The following MICAL3 variants were observed in gnomAD, a reference collection of about 807,000 sequenced individuals.
MICAL3 encodes the protein microtubule associated monooxygenase, calponin and LIM domain containing 3.
A neutral mutation model predicts 207.4 loss-of-function variants in MICAL3; 62 were observed. The ratio of observed to expected loss-of-function variants is 0.30; its 90% CI spans 0.24 to 0.37. The LOEUF (loss-of-function observed/expected upper bound fraction) is 0.37, where lower values mean the gene tolerates loss of function less well. Ranked by LOEUF, MICAL3 falls within the 10% of genes least tolerant of loss-of-function variation. The pLI is 1.00. For synonymous variants in MICAL3, 1,077 were observed against 1,069.3 expected, an observed-to-expected ratio of 1.01 and a Z score of -0.14; for missense variants, 2,368 against 2,635.6, an observed-to-expected ratio of 0.90 and a Z score of 2.22.
intron 20 of MICAL3, chr22:17,839,908 G>A (rs1211549898): frequency 6.8e-6 from 1 of 147,358 alleles, no homozygotes; most frequent in Non-Finnish European, 1.5e-5. Context: ...GTATAGCACT[G>A]AATGCTACTT....
chr22:17,836,388 T>C (rs1923367410), intron 20 of MICAL3, among the ~76,000 whole-genome samples: 1 of 152,124 alleles, frequency 6.6e-6, no homozygotes, highest in African/African-American at 2.4e-5. Context: ...CCTAAGGAAG[T>C]TGGGTCATTT....
chr22:17,891,191 G>A (rs1323484085), intron 12 of MICAL3, among the ~76,000 whole-genome samples: 1 of 152,056 alleles, frequency 6.6e-6, no homozygotes, highest in Non-Finnish European at 1.5e-5. Flanking sequence ...ACAGGCCCAG[G>A]TGGGTGTCAA....
At chr22:17,926,548 T>C (rs937821463) in intron 1 of MICAL3, among the ~76,000 whole-genome samples, 9 of 152,250 alleles carry the variant, frequency 5.9e-5, no homozygotes, top group African/African-American at 1.2e-4. Flanking sequence ...GGCATACATA[T>C]TCTGCTCCAA....
rs1404429725 is a variant in MICAL3, at chr22:17,902,810, G to A, written c.473-63C>T. 11 of 1,024,074 alleles carry A rather than the reference G, an allele frequency of 1.1e-5. No individual in the cohort carries two copies. Among genetic ancestry groups the A allele is most frequent in the Admixed American group, 2.1e-5 (1 of 48,396 alleles). 63.4% of individuals were successfully genotyped at this position (1,024,074 alleles called of 1,614,324 possible). ...GGAGAAGGGGGTACCCATCCGTGTCGCAGCTCAGGCTCCCACCCCGCCACC... is the reference window on the plus strand; with the variant it reads ...GGAGAAGGGGGTACCCATCCGTGTCACAGCTCAGGCTCCCACCCCGCCACC... On this transcript the variant is annotated intron_variant, in intron 3 of 31. Coordinates refer to ENST00000441493, the MANE Select transcript of MICAL3 (RefSeq NM_015241.3). This position sits in a 1 kb window ranked among gnomAD's most constrained non-coding sequence, Gnocchi z 4.5.
At chr22:18,008,521 G>A (rs1403529948) in intron 1 of MICAL3, among the ~76,000 whole-genome samples, 1 of 152,168 alleles carries the variant, frequency 6.6e-6, no homozygotes, top group Admixed American at 6.6e-5. Context: ...TCATAGTCCT[G>A]TGGACCTACT....
chr22:17,834,378 C>A, intron 20 of MICAL3: 1 of 1,252,986 alleles, frequency 8.0e-7, no homozygotes, highest in Admixed American at 3.0e-5. Context: ...CCTCACAACG[C>A]ACTTGCTAGA....
chr22:17,988,549 A>G (rs1602356843), intron 1 of MICAL3, among the ~76,000 whole-genome samples: 2 of 152,186 alleles, frequency 1.3e-5, no homozygotes, highest in African/African-American at 2.4e-5. Context: ...CCACCCTCCG[A>G]GTTCAAGTGG....
chr22:18,008,167 G>C (rs1377810412), intron 1 of MICAL3, among the ~76,000 whole-genome samples: 1 of 152,082 alleles, frequency 6.6e-6, no homozygotes, highest in Non-Finnish European at 1.5e-5. Context: ...TTGAACCCAG[G>C]AGGTGGAGAT....
intron 1 of MICAL3, among the ~76,000 whole-genome samples, chr22:17,967,186 G>A (rs1008780916): frequency 6.6e-6 from 1 of 152,052 alleles, no homozygotes; most frequent in Admixed American, 6.5e-5. Context: ...GTCTATCCTG[G>A]CATAACTACT....
chr22:17,988,320 C>T (rs192433977), intron 1 of MICAL3, among the ~76,000 whole-genome samples: 8 of 152,338 alleles, frequency 5.3e-5, no homozygotes, highest in Admixed American at 2.6e-4. Context: ...ACTCCACATC[C>T]ACTGCCAACA....
At chr22:17,881,410 G>A in intron 16 of MICAL3, 1 of 897,158 alleles carries the variant, frequency 1.1e-6, no homozygotes. Context: ...ACCCCAGGGA[G>A]GCCTTTCCTT....
rs2145943534 is a variant in MICAL3 at position 17,790,650 on chromosome 22, C to T, written c.*82G>A. The T allele has an allele frequency of 7.5e-7, 1 of 1,332,280 alleles. No individual in the cohort carries two copies. Among genetic ancestry groups the T allele is most frequent in the East Asian group, 2.5e-5 (1 of 39,604 alleles). 82.5% of individuals were successfully genotyped at this position (1,332,280 alleles called of 1,614,324 possible). ...AAACTCCAAGGAGGTGCCAGGCCTC[C>T]TCAGATCGCGGCTCCGGGTGGTTTG... is the stretch of plus-strand genomic sequence containing the variant. On this transcript the variant is annotated 3_prime_UTR_variant, in exon 32 of 32. Transcript: ENST00000441493.
intron 29 of MICAL3, among the ~76,000 whole-genome samples, chr22:17,798,821 C>A (rs1426351626): frequency 2.0e-5 from 3 of 151,694 alleles, no homozygotes; most frequent in African/African-American, 4.8e-5. Flanking sequence ...CTACAGGCGC[C>A]CGCCACCACA....
At chr22:17,896,098 A>C (rs1243220841) in intron 9 of MICAL3, 148 bp downstream of exon 9, 5 of 563,578 alleles carry the variant, frequency 8.9e-6, no homozygotes, top group African/African-American at 3.8e-5. Context: ...ATGAAATCCT[A>C]TCTTGCCTTT....
At chr22:17,791,372 G>A in intron 29 of MICAL3, 71 bp from the exon 30 acceptor site, 1 of 1,294,200 alleles carries the variant, frequency 7.7e-7, no homozygotes. Context: ...ATCACACGGG[G>A]CAAATGTGCA....
chr22:17,917,549 C>G (rs1368095089), intron 1 of MICAL3, among the ~76,000 whole-genome samples: 2 of 152,318 alleles, frequency 1.3e-5, no homozygotes, highest in East Asian at 3.9e-4. Context: ...CCTACTTCTG[C>G]TCCTCCAAAC....
intron 1 of MICAL3, chr22:18,004,295 T>G (rs1448039352): frequency 6.6e-6 from 1 of 152,064 alleles, no homozygotes; most frequent in East Asian, 1.9e-4. Flanking sequence ...GAGACTGAGT[T>G]TCGTTCTTGT....
rs938187060 is a variant in MICAL3, at chr22:17,953,792, G to A, written c.-74-46906C>T. Among the ~76,000 whole-genome samples, 17 of 151,762 alleles carry A rather than the reference G, an allele frequency of 1.1e-4. 1 individual carries two copies. The South Asian group carries it at 1.7e-3, about 15-fold the overall frequency. On this transcript the variant is annotated intron_variant, in intron 1 of 31. Transcript: ENST00000441493. ...CTAAAAATACAAAAATTAGCTGAAC[G>A]CAGTGGTGCGTACCTGTAATCCTAG...
chr22:17,980,973 T>C (rs772279996), intron 1 of MICAL3: 1 of 510,952 alleles, frequency 2.0e-6, no homozygotes, highest in South Asian at 1.4e-5. Context: ...ATCTGTCTAT[T>C]GGTCCCCTCC....
Sources: allele counts gnomAD v4.1 joint callset (sites outside exome capture counted in the v4.1 genomes callset), GRCh38; gene constraint gnomAD v4.1.1; non-coding constraint Gnocchi (gnomAD v3.1); transcripts MANE v1.5; gene names NCBI Gene and HGNC (gene_info 2026-07-23, HGNC 2026-07-21).